Variants in ZNF268 observed in about 807,000 individuals in gnomAD.
The protein encoded by ZNF268 is zinc finger protein 3.
ZNF268 carries 20 observed loss-of-function variants against 29.3 expected under a neutral mutation model. The observed-to-expected ratio is 0.68, with a 90% confidence interval of 0.48 to 0.99. The LOEUF is 0.99. ZNF268 is among the 50% of genes least tolerant of loss of function. The probability of loss-of-function intolerance (pLI) is 0.00; values close to 1 mark genes in which losing one functional copy is unlikely to be tolerated. For synonymous variants in ZNF268, 429 were observed against 376.9 expected (o/e 1.14, Z -1.60); for missense variants, 1,240 against 1,121.6 (o/e 1.11, Z -1.51).
At chr12:133,197,794 A>C (rs1956647714) in intron 5 of ZNF268, among the ~76,000 whole-genome samples, 1 of 152,042 alleles carries the variant, frequency 6.6e-6, no homozygotes, top group African/African-American at 2.4e-5. Flanking sequence ...GCCAGTGATG[A>C]TGAGCATTTT....
At chr12:133,184,624 TGTTTA>T in intron 2 of ZNF268, 4 of 187,364 alleles carry the variant, frequency 2.1e-5, no homozygotes, top group South Asian at 3.3e-5. Flanking sequence ...TTTATTTATT[TGTTTA>T]TTTTTTTGAG....
At chr12:133,190,014 T>C (rs1956426910) in intron 3 of ZNF268, among the ~76,000 whole-genome samples, 1 of 152,058 alleles carries the variant, frequency 6.6e-6, no homozygotes, top group Non-Finnish European at 1.5e-5. Flanking sequence ...TTCACCATGT[T>C]AGCCAGGATG....
chr12:133,202,124 C>G lies in ZNF268; in HGVS notation c.458-20C>G, dbSNP rs1956765459. ...CAATCATGTGATTTATAACATGTGA[C>G]CAATTGTTCTCATTTCTAGACACAG... On this transcript the variant is annotated intron_variant, in intron 5 of 5. Transcript: ENST00000536435. 5.9e-6 allele frequency: 9 copies of G among 1,531,360 alleles called. No homozygotes were observed. The highest frequency in any genetic ancestry group is 7.9e-6 in the Non-Finnish European group (9 of 1,138,332). 94.9% of individuals were successfully genotyped at this position (1,531,360 alleles called of 1,614,324 possible). A position where few individuals can be genotyped will look rare whatever the true frequency, so the allele number is the denominator to read the frequency against.
chr12:133,184,027 C>G (rs1324072607), intron 2 of ZNF268, among the ~76,000 whole-genome samples: 1 of 152,176 alleles, frequency 6.6e-6, no homozygotes, highest in African/African-American at 2.4e-5. Context: ...ATAACAGATA[C>G]TACTTTCTCA....
chr12:133,184,183 GCA>G (rs1566362485), intron 2 of ZNF268, among the ~76,000 whole-genome samples: 9 of 151,304 alleles, frequency 5.9e-5, no homozygotes, highest in African/African-American at 2.2e-4. Context: ...TTGGCTCACT[GCA>G]ACCTCTGCCT....
chr12:133,204,167 G>A lies in ZNF268; in HGVS notation c.2481G>A (p.Glu827=). 6.5e-7 allele frequency: 1 copy of A among 1,541,612 alleles called. No individual in the cohort carries two copies. ...FIWKSLLIVH[E]RTHAGVNPYK... The stretch of plus-strand genomic sequence containing the variant: ...GGAAATCACTACTCATTGTACATGA[G>A]CGAACTCATGCAGGGGTCAACCCTT... The change falls in exon 6 of 6, where the codon GAG becomes GAA. Residue 827 remains glutamate (E), a synonymous_variant. Coordinates refer to ENST00000536435, the MANE Select transcript of ZNF268 (RefSeq NM_003415.3).
In ZNF268 at chr12:133,203,837, TCATA is replaced by T; in HGVS notation, c.2154_2157del (p.His718GlnfsTer77). ...CATACCTTATTATACATATGAGAACTCATACAGGAGAGAAACCACATGAGTGCAG... is the reference window on the plus strand; with the variant it reads ...CATACCTTATTATACATATGAGAACTCAGGAGAGAAACCACATGAGTGCAG... On this transcript the variant is annotated frameshift_variant, in exon 6 of 6. Transcript: ENST00000536435. LOFTEE classifies it low-confidence loss of function (END_TRUNC). 5 of 1,564,126 alleles carry T rather than the reference TCATA, an allele frequency of 3.2e-6. No homozygotes were observed. The highest frequency in any genetic ancestry group is 4.3e-6 in the Non-Finnish European group (5 of 1,160,796).
At chr12:133,191,654 C>G in intron 4 of ZNF268, 39 bp downstream of exon 4, 1 of 1,606,030 alleles carries the variant, frequency 6.2e-7, no homozygotes. Context: ...TGCTCGATCT[C>G]CAGGCTTCTT....
rs867821870 is a variant in ZNF268, at chr12:133,199,204, C to T, written c.458-2940C>T. Among the ~76,000 whole-genome samples the T allele has an allele frequency of 5.3e-5, 8 of 152,280 alleles. No homozygotes were observed. In the South Asian group the frequency reaches 1.0e-3, roughly 20 times the overall value. ...AGATAGCTCTTATTATTTTGAGACA[C>T]GTCTCATCAATACCTAATTTATTGA... On this transcript the variant is annotated intron_variant, in intron 5 of 5. Transcript: ENST00000536435.
At position 133,205,398 on chromosome 12, in the gene ZNF268, TC is replaced by T. The variant is rs1956880438; in HGVS notation, c.*870del. 1 of 152,120 alleles carries T rather than the reference TC, an allele frequency of 6.6e-6. No homozygotes were observed. The highest frequency in any genetic ancestry group is 1.5e-5 in the Non-Finnish European group (1 of 68,004). The allele number at this position is 152,120 out of a possible 1,614,324, so 9.4% of individuals were successfully genotyped here. On this transcript the variant is annotated 3_prime_UTR_variant, in exon 6 of 6. Coordinates refer to ENST00000536435, the MANE Select transcript of ZNF268 (RefSeq NM_003415.3). ...AGCCTACAGGGATATTTAGATATCT[TC>T]CTATGTGTACTACATAATATGAATT...
At position 133,195,057 on chromosome 12, in the gene ZNF268, C is replaced by T. The variant is rs143462099; in HGVS notation, c.457+3054C>T. On this transcript the variant is annotated intron_variant, in intron 5 of 5. Coordinates refer to ENST00000536435, the MANE Select transcript of ZNF268 (RefSeq NM_003415.3). The stretch of plus-strand genomic sequence containing the variant: ...GGGATAGAGACAAGTCTAGGGTCCC[C>T]CAGTTCCAGGAGGGCAGCAGCAGTG... Among the ~76,000 whole-genome samples the T allele has an allele frequency of 8.0e-4, 53 of 66,238 alleles. 18 individuals are homozygous for T. The highest frequency in any genetic ancestry group is 3.7e-3 in the African/African-American group (52 of 14,206). 43.5% of individuals were successfully genotyped at this position (66,238 alleles called of 152,430 possible). A position where few individuals can be genotyped will look rare whatever the true frequency, so the allele number is the denominator to read the frequency against.
rs2135533037 is a variant in ZNF268, at chr12:133,207,862, CTACCAGATAAA to C, written c.*3333_*3343del. On this transcript the variant is annotated 3_prime_UTR_variant, in exon 6 of 6. Coordinates refer to ENST00000536435, the MANE Select transcript of ZNF268 (RefSeq NM_003415.3). The stretch of plus-strand genomic sequence containing the variant: ...TAATATTAGAAAATATTTTAATTAA[CTACCAGATAAA>C]ACTCATAAGGATTATCTCAGTATAT... 1 of 152,174 alleles carries C rather than the reference CTACCAGATAAA, an allele frequency of 6.6e-6. No homozygotes were observed. Among genetic ancestry groups the C allele is most frequent in the African/African-American group, 2.4e-5 (1 of 41,492 alleles). 9.4% of individuals were successfully genotyped at this position (152,174 alleles called of 1,614,324 possible).
At chr12:133,193,638 T>A (rs1274519691) in intron 5 of ZNF268, 2 of 469,706 alleles carry the variant, frequency 4.3e-6, no homozygotes, top group Non-Finnish European at 7.6e-6. Flanking sequence ...CAACTTAATC[T>A]TCTCTTAATA....
rs1956806851 is a variant in ZNF268, at chr12:133,203,395, A to T, written c.1709A>T (p.Gln570Leu). The change falls in exon 6 of 6, where the codon CAG (glutamine) becomes CTG (leucine). Residue 570 changes from glutamine (Q) to leucine (L), a missense_variant. This residue lies in a region of ZNF268 where 1,177 missense variants were observed against 1,039.6 expected (regional missense o/e 1.13). Transcript: ENST00000536435. ...GGGAAAGCCTTCAGTCGGAAATACC[A>T]GCTTATTTCACACCAGAGAACTCAT... ...ECGKAFSRKY[Q>L]LISHQRTHAG... is the part of the protein sequence containing the mutation. 3 of 1,546,602 alleles carry T rather than the reference A, an allele frequency of 1.9e-6. No homozygotes were observed. The highest frequency in any genetic ancestry group is 2.6e-6 in the Non-Finnish European group (3 of 1,150,478).
rs955683072 is a variant in ZNF268, at chr12:133,205,313, A to G, written c.*783A>G. 5 of 152,122 alleles carry G rather than the reference A, an allele frequency of 3.3e-5. No individual in the cohort carries two copies. The highest frequency in any genetic ancestry group is 1.2e-4 in the African/African-American group (5 of 41,450). The allele number at this position is 152,122 out of a possible 1,614,324, so 9.4% of individuals were successfully genotyped here. A position where few individuals can be genotyped will look rare whatever the true frequency, so the allele number is the denominator to read the frequency against. On this transcript the variant is annotated 3_prime_UTR_variant, in exon 6 of 6. Transcript: ENST00000536435. ...CTCAATTATAAATAATAAGATACAG[A>G]TTATTTCATTGTACAAGTGAATCTA...
chr12:133,194,779 C>A (rs1369678536), intron 5 of ZNF268, among the ~76,000 whole-genome samples: 1 of 152,222 alleles, frequency 6.6e-6, no homozygotes, highest in Non-Finnish European at 1.5e-5. Flanking sequence ...TACTGCCAGC[C>A]AGGAACAGGG....
intron 5 of ZNF268, among the ~76,000 whole-genome samples, chr12:133,193,786 G>C (rs939398174): frequency 1.3e-5 from 2 of 152,038 alleles, no homozygotes; most frequent in East Asian, 3.9e-4. Context: ...TCTGCCCTTT[G>C]GTCCTGGTTT....
chr12:133,201,317 G>A (rs994398284), intron 5 of ZNF268, among the ~76,000 whole-genome samples: 1 of 151,780 alleles, frequency 6.6e-6, no homozygotes, highest in African/African-American at 2.4e-5. Context: ...TTTAAGGCCT[G>A]CTGTGCAATT....
At position 133,200,161 on chromosome 12, in the gene ZNF268, A is replaced by G. The variant is rs187649466; in HGVS notation, c.458-1983A>G. 4.0e-3 allele frequency among the ~76,000 whole-genome samples: 604 copies of G among 152,214 alleles called. 4 individuals are homozygous for G. The highest frequency in any genetic ancestry group is 0.014 in the African/African-American group (581 of 41,532). On this transcript the variant is annotated intron_variant, in intron 5 of 5. Transcript: ENST00000536435. ...ATCTTTCCTGCTTTCCCTTGTGGGCATTTAGTGCTATAAATTTCCCTCTAC... is the reference window on the plus strand; with the variant it reads ...ATCTTTCCTGCTTTCCCTTGTGGGCGTTTAGTGCTATAAATTTCCCTCTAC...
Sources: gnomAD v4.1 joint callset for allele counts (sites outside exome capture counted in the v4.1 genomes callset) on GRCh38, gnomAD v4.1.1 for gene constraint, gnomAD v4.1.1 regional missense constraint, MANE v1.5 for transcripts, NCBI Gene and HGNC (gene_info 2026-07-23, HGNC 2026-07-21) for gene names.